The following EPB41L4B variants were observed in gnomAD, a reference collection of about 807,000 sequenced individuals.
EPB41L4B encodes the protein erythrocyte membrane protein band 4.1 like 4B.
A neutral mutation model predicts 112.5 loss-of-function variants in EPB41L4B; 30 were observed. That is an observed-to-expected ratio of 0.27 (90% CI 0.20 to 0.36). The LOEUF (loss-of-function observed/expected upper bound fraction) is 0.36, where lower values mean the gene tolerates loss of function less well. Among genes scored for constraint, EPB41L4B ranks in the 10% least tolerant of loss-of-function variants. The probability of loss-of-function intolerance (pLI) is 1.00; values close to 1 mark genes in which losing one functional copy is unlikely to be tolerated. For missense variants in EPB41L4B, 1,024 were observed against 1,133.3 expected, an observed-to-expected ratio of 0.90 and a Z score of 1.38; for synonymous variants, 408 against 439.7, an observed-to-expected ratio of 0.93 and a Z score of 0.90.
chr9:109,292,096 A>G (rs1270409864), intron 1 of EPB41L4B, among the ~76,000 whole-genome samples: 11 of 152,152 alleles, frequency 7.2e-5, no homozygotes, highest in South Asian at 2.1e-4. Flanking sequence ...CCCTCTTTCA[A>G]TCAACACAGA....
chr9:109,241,030 C>T, intron 15 of EPB41L4B: 1 of 984,838 alleles, frequency 1.0e-6, no homozygotes, highest in East Asian at 1.1e-4. Flanking sequence ...AAGTTATATA[C>T]TTTATTTAGC....
chr9:109,186,827 C>G (rs544325102), intron 22 of EPB41L4B, among the ~76,000 whole-genome samples: 115 of 152,226 alleles, frequency 7.6e-4, no homozygotes, highest in Non-Finnish European at 1.2e-3. Context: ...TCTTTGTTAT[C>G]TGTGTTCAGA....
At chr9:109,282,375 T>C (rs1836099804) in intron 1 of EPB41L4B, among the ~76,000 whole-genome samples, 1 of 152,214 alleles carries the variant, frequency 6.6e-6, no homozygotes, top group Non-Finnish European at 1.5e-5. Flanking sequence ...GATTGTACAT[T>C]TTGGATAGGC....
At position 109,176,404 on chromosome 9, in the gene EPB41L4B, C is replaced by T. The variant is rs181246804; in HGVS notation, c.2633+147G>A. On this transcript the variant is annotated intron_variant, in intron 25 of 25. Coordinates refer to ENST00000374566, the MANE Select transcript of EPB41L4B (RefSeq NM_019114.5). ...ACAGATGAGAGCCACCGCACCTGGC[C>T]CCTTTATAGACATTTCAATAAATAC... 103 of 929,574 alleles carry T rather than the reference C, an allele frequency of 1.1e-4. No individual in the cohort carries two copies. In the African/African-American group the frequency reaches 1.6e-3, roughly 14 times the overall value. The allele number at this position is 929,574 out of a possible 1,614,324, so 57.6% of individuals were successfully genotyped here.
intron 1 of EPB41L4B, among the ~76,000 whole-genome samples, chr9:109,319,235 GC>G (rs1200101895): frequency 6.6e-6 from 1 of 152,190 alleles, no homozygotes; most frequent in East Asian, 1.9e-4. Context: ...GTAACTGGAC[GC>G]CCTGCAGCGG....
intron 23 of EPB41L4B, 120 bp downstream of exon 23, chr9:109,185,369 C>T (rs779035186): frequency 1.5e-5 from 12 of 805,826 alleles, no homozygotes; most frequent in South Asian, 3.2e-5. Context: ...GGGCACCTGT[C>T]GATGGGCTCT....
intron 1 of EPB41L4B, among the ~76,000 whole-genome samples, chr9:109,299,419 G>A (rs1052667815): frequency 2.6e-5 from 4 of 152,058 alleles, no homozygotes; most frequent in Admixed American, 2.6e-4. Context: ...GAGACTACAG[G>A]CATGCACCAC....
At chr9:109,318,185 G>A (rs946792971) in intron 1 of EPB41L4B, among the ~76,000 whole-genome samples, 4 of 151,042 alleles carry the variant, frequency 2.6e-5, no homozygotes, top group Admixed American at 6.6e-5. Context: ...GTGTGTGCAC[G>A]CGCATAAATA....
rs1260423670 is a variant in EPB41L4B, at chr9:109,214,500, G to C, written c.1634-682C>G. On this transcript the variant is annotated intron_variant, in intron 16 of 25. Transcript: ENST00000374566. ...GATATTCCGAAGAAGACTGAGAAAA[G>C]GTTTATTTAATTGCTAAAGGAGCAG... Among the ~76,000 whole-genome samples, 7 of 152,290 alleles carry C rather than the reference G, an allele frequency of 4.6e-5. No homozygotes were observed. The East Asian group carries it at 1.4e-3, about 29-fold the overall frequency.
At chr9:109,249,359 C>A (rs1045115412) in intron 13 of EPB41L4B, among the ~76,000 whole-genome samples, 1 of 152,024 alleles carries the variant, frequency 6.6e-6, no homozygotes, top group African/African-American at 2.4e-5. Context: ...GAGCCCAGAG[C>A]ACAATTTCAT....
At chr9:109,284,196 G>A (rs1481093241) in intron 1 of EPB41L4B, among the ~76,000 whole-genome samples, 1 of 152,150 alleles carries the variant, frequency 6.6e-6, no homozygotes, top group Non-Finnish European at 1.5e-5. Context: ...AAAGCCTATT[G>A]TATGATAAAG....
At position 109,217,088 on chromosome 9, in the gene EPB41L4B, C is replaced by T; in HGVS notation, c.1467G>A (p.Glu489=). 4 of 1,614,202 alleles carry T rather than the reference C, an allele frequency of 2.5e-6. No homozygotes were observed. The highest frequency in any genetic ancestry group is 1.7e-6 in the Non-Finnish European group (2 of 1,180,036). Residue 489 remains glutamate (E), a synonymous_variant, in exon 16 of 26, where the codon GAG becomes GAA. Transcript: ENST00000374566. ...SSSDRLPFGI[E]ENGGTPFLTA... is the part of the protein sequence containing the mutation. ...TGAGGAACGGTGTGCCCCCATTCTC[C>T]TCAATGCCAAAAGGCAACCGGTCCG...
chr9:109,268,126 G>A (rs987865761), intron 3 of EPB41L4B, among the ~76,000 whole-genome samples: 1 of 152,212 alleles, frequency 6.6e-6, no homozygotes, highest in Non-Finnish European at 1.5e-5. Context: ...TTTCTGAATA[G>A]CAGGTTAATC....
intron 15 of EPB41L4B, among the ~76,000 whole-genome samples, chr9:109,221,958 CAG>C (rs983518684): frequency 1.1e-4 from 16 of 152,288 alleles, no homozygotes; most frequent in African/African-American, 3.6e-4. Context: ...GTGCCCAACT[CAG>C]GGGGAAAGAG....
intron 22 of EPB41L4B, among the ~76,000 whole-genome samples, chr9:109,187,196 G>A (rs892892703): frequency 4.6e-5 from 7 of 152,150 alleles, no homozygotes; most frequent in African/African-American, 1.7e-4. Context: ...TCATCCTGCT[G>A]TGAAGAATAA....
chr9:109,318,527 C>T (rs1324204855), intron 1 of EPB41L4B, among the ~76,000 whole-genome samples: 1 of 152,132 alleles, frequency 6.6e-6, no homozygotes, highest in Admixed American at 6.5e-5. Context: ...CGGCAAGGAG[C>T]ACTGTCAAAC....
At chr9:109,185,682 G>A (rs1832235196) in intron 22 of EPB41L4B, 77 bp from the exon 23 acceptor site, 2 of 1,083,312 alleles carry the variant, frequency 1.8e-6, no homozygotes, top group Admixed American at 2.3e-5. Context: ...TAGGGGAAGG[G>A]AAAGGAGAGA....
intron 12 of EPB41L4B, among the ~76,000 whole-genome samples, chr9:109,251,975 A>G (rs1834805363): frequency 6.6e-6 from 1 of 152,230 alleles, no homozygotes. Flanking sequence ...TTTGTTTTTA[A>G]AAGGATAGAT....
intron 25 of EPB41L4B, among the ~76,000 whole-genome samples, chr9:109,174,903 C>A (rs907102163): frequency 7.6e-5 from 11 of 145,266 alleles, no homozygotes; most frequent in Non-Finnish European, 1.6e-4. Context: ...GGCAGCCACT[C>A]AGTAAAGTGT....
Sources: gnomAD v4.1 joint callset for allele counts (sites outside exome capture counted in the v4.1 genomes callset) on GRCh38, gnomAD v4.1.1 for gene constraint, MANE v1.5 for transcripts, NCBI Gene and HGNC (gene_info 2026-07-23, HGNC 2026-07-21) for gene names.